Variants in SORT1 observed in about 807,000 individuals in gnomAD.
SORT1 encodes the protein sortilin.
SORT1 carries 39 observed loss-of-function variants against 101.7 expected under a neutral mutation model. That is an observed-to-expected ratio of 0.38 (90% confidence interval 0.30 to 0.50). The LOEUF (loss-of-function observed/expected upper bound fraction) is 0.50, where lower values mean the gene tolerates loss of function less well. Ranked by LOEUF, SORT1 falls within the 20% of genes least tolerant of loss-of-function variation. SORT1 has a pLI of 0.90. For missense variants in SORT1, 878 were observed against 1,040.4 expected (o/e 0.84, Z 2.15); for synonymous variants, 396 against 393.7 (o/e 1.01, Z -0.07).
chr1:109,360,777 C>A (rs746959750), intron 3 of SORT1, among the ~76,000 whole-genome samples: 5 of 152,198 alleles, frequency 3.3e-5, no homozygotes, highest in African/African-American at 1.2e-4. Context: ...AGGGGGTAGG[C>A]CCACAAGGAT....
chr1:109,321,209 T>C lies in SORT1; in HGVS notation c.2024+1723A>G, dbSNP rs529224610. On this transcript the variant is annotated intron_variant, in intron 15 of 19. Coordinates refer to ENST00000256637, the MANE Select transcript of SORT1 (RefSeq NM_002959.7). ...TTAATGATGGAAGCAAACCTATAAA[T>C]AGTAATTAAAATTTAGTAAGTGCTG... Among the ~76,000 whole-genome samples the C allele has an allele frequency of 2.6e-5, 4 of 152,256 alleles. No individual in the cohort carries two copies. In the South Asian group the frequency reaches 8.3e-4, roughly 32 times the overall value.
intron 1 of SORT1, among the ~76,000 whole-genome samples, chr1:109,386,267 A>G (rs1163089867): frequency 2.0e-5 from 3 of 152,196 alleles, no homozygotes; most frequent in Non-Finnish European, 4.4e-5. Flanking sequence ...GACTCATAGT[A>G]CAAGCTGGGC....
intron 1 of SORT1, among the ~76,000 whole-genome samples, chr1:109,373,305 G>C (rs1487992959): frequency 6.6e-6 from 1 of 152,072 alleles, no homozygotes; most frequent in South Asian, 2.1e-4. Flanking sequence ...GTCTGGGGAG[G>C]CCAAAGAGGT....
chr1:109,351,108 T>C (rs1183541681), intron 5 of SORT1, 106 bp from the exon 6 acceptor site: 4 of 822,206 alleles, frequency 4.9e-6, no homozygotes, highest in East Asian at 2.4e-5. Context: ...GAAAAACACA[T>C]ACTGAAGCTC....
intron 1 of SORT1, among the ~76,000 whole-genome samples, chr1:109,387,849 G>A (rs1217193335): frequency 6.6e-6 from 1 of 152,140 alleles, no homozygotes; most frequent in Non-Finnish European, 1.5e-5. Context: ...TACTTGGGGG[G>A]CTGAGGCAGA....
intron 3 of SORT1, 37 bp from the exon 4 acceptor site, chr1:109,355,506 G>T: frequency 1.1e-6 from 1 of 933,532 alleles, no homozygotes; most frequent in Non-Finnish European, 1.8e-6. Flanking sequence ...TTAGGGTGCA[G>T]TGGTCATGGA....
rs1449605459 is a variant in SORT1 at position 109,397,639 on chromosome 1, T to C, written c.254A>G (p.Glu85Gly). 7.9e-7 allele frequency: 1 copy of C among 1,262,488 alleles called. No homozygotes were observed. Among genetic ancestry groups the C allele is most frequent in the Non-Finnish European group, 1.0e-6 (1 of 992,450 alleles). The allele number at this position is 1,262,488 out of a possible 1,614,324, so 78.2% of individuals were successfully genotyped here. A position where few individuals can be genotyped will look rare whatever the true frequency, so the allele number is the denominator to read the frequency against. Residue 85 changes from glutamate to glycine, a missense_variant, in exon 1 of 20, where the codon GAG becomes GGG. Glu to Gly is a moderately conservative substitution (Grantham distance 98, BLOSUM62 -2). Coordinates refer to ENST00000256637, the MANE Select transcript of SORT1 (RefSeq NM_002959.7). Reference sequence around the variant, plus strand: ...GACGAAGTCCCGGACCCGGCCGCACTCCTCGTCCTCGCCCGGCGCGCTGCG... The same window carrying C: ...GACGAAGTCCCGGACCCGGCCGCACCCCTCGTCCTCGCCCGGCGCGCTGCG... ...WRRSAPGEDE[E>G]CGRVRDFVAK...
At chr1:109,369,068 C>A (rs1651293030) in intron 2 of SORT1, among the ~76,000 whole-genome samples, 1 of 76,752 alleles carries the variant, frequency 1.3e-5, no homozygotes, top group African/African-American at 3.7e-5. Flanking sequence ...GCCTGTAATC[C>A]CAGCACTTTT....
In SORT1 at chr1:109,324,607, TAA is replaced by T. The variant is rs761986862; in HGVS notation, c.1834+290_1834+291del. Reference sequence around the variant, plus strand: ...TGAAATGATAATATTTTGGATATATTAAGTTTATTTTATTAATATCACCTTTC... The same window carrying T: ...TGAAATGATAATATTTTGGATATATTGTTTATTTTATTAATATCACCTTTC... On this transcript the variant is annotated intron_variant, in intron 14 of 19. Coordinates refer to ENST00000256637, the MANE Select transcript of SORT1 (RefSeq NM_002959.7). 3.9e-5 allele frequency among the ~76,000 whole-genome samples: 6 copies of T among 152,226 alleles called. No homozygotes were observed. In the South Asian group the frequency reaches 6.2e-4, roughly 16 times the overall value.
At chr1:109,361,257 G>C (rs532128790) in intron 3 of SORT1, among the ~76,000 whole-genome samples, 15 of 152,300 alleles carry the variant, frequency 9.8e-5, no homozygotes, top group African/African-American at 2.9e-4. Flanking sequence ...TTCATTGCTT[G>C]CAAGTTCTAC....
chr1:109,359,947 C>G (rs1650599821), intron 3 of SORT1, among the ~76,000 whole-genome samples: 1 of 152,172 alleles, frequency 6.6e-6, no homozygotes, highest in Non-Finnish European at 1.5e-5. Flanking sequence ...TGAAACCAAA[C>G]AAGTTATGCA....
At chr1:109,360,106 G>T (rs1015867531) in intron 3 of SORT1, among the ~76,000 whole-genome samples, 1 of 152,126 alleles carries the variant, frequency 6.6e-6, no homozygotes, top group African/African-American at 2.4e-5. Flanking sequence ...TAAAGAGTAG[G>T]TCTTAAGGCT....
At chr1:109,369,829 T>C (rs947132369) in intron 1 of SORT1, among the ~76,000 whole-genome samples, 1 of 152,178 alleles carries the variant, frequency 6.6e-6, no homozygotes, top group African/African-American at 2.4e-5. Context: ...TGAGTTTTCT[T>C]TACTGCACCA....
intron 1 of SORT1, among the ~76,000 whole-genome samples, chr1:109,394,512 C>G (rs1010492249): frequency 6.6e-6 from 1 of 152,186 alleles, no homozygotes; most frequent in South Asian, 2.1e-4. Context: ...GAGTGGTCAT[C>G]AGGACACCGG....
intron 7 of SORT1, among the ~76,000 whole-genome samples, chr1:109,346,235 C>T (rs1649582710): frequency 6.6e-6 from 1 of 150,832 alleles, no homozygotes; most frequent in Non-Finnish European, 1.5e-5. Context: ...ATGGCGTGAA[C>T]CCGGGATGCA....
At chr1:109,367,935 C>T (rs145190855) in intron 2 of SORT1, among the ~76,000 whole-genome samples, 1 of 152,062 alleles carries the variant, frequency 6.6e-6, no homozygotes, top group Admixed American at 6.6e-5. Flanking sequence ...AAAAACTATG[C>T]ATGAGGAAAT....
intron 10 of SORT1, among the ~76,000 whole-genome samples, chr1:109,337,981 G>A (rs1648948142): frequency 6.6e-6 from 1 of 152,154 alleles, no homozygotes; most frequent in Non-Finnish European, 1.5e-5. Flanking sequence ...GACAAATATT[G>A]TGAAAAATAC....
At chr1:109,369,420 T>A (rs1369100914) in intron 2 of SORT1, 110 bp downstream of exon 2, 2 of 724,346 alleles carry the variant, frequency 2.8e-6, no homozygotes, top group Non-Finnish European at 5.0e-6. Flanking sequence ...TTTCTGTGAT[T>A]GAGGCTAAAG....
chr1:109,343,026 G>A (rs1431496743), intron 8 of SORT1, among the ~76,000 whole-genome samples: 1 of 151,974 alleles, frequency 6.6e-6, no homozygotes, highest in Non-Finnish European at 1.5e-5. Flanking sequence ...AAAGTACATC[G>A]CAAAATTTTA....
Sources: allele counts gnomAD v4.1 joint callset (sites outside exome capture counted in the v4.1 genomes callset), GRCh38; gene constraint gnomAD v4.1.1; transcripts MANE v1.5; gene names NCBI Gene and HGNC (gene_info 2026-07-23, HGNC 2026-07-21).